Variants in RAD52 observed in about 807,000 individuals in gnomAD.
RAD52 encodes the protein RAD52 DNA repair protein.
A neutral mutation model predicts 55.5 loss-of-function variants in RAD52; 47 were observed. The ratio of observed to expected loss-of-function variants is 0.85; its 90% CI spans 0.67 to 1.08. RAD52 has a LOEUF of 1.08. Ranked by LOEUF, RAD52 falls within the 50% of genes least tolerant of loss-of-function variation. RAD52 has a pLI of 0.00. For synonymous variants in RAD52, 184 were observed against 198.9 expected (o/e 0.92, Z 0.63); for missense variants, 468 against 522.8 (o/e 0.90, Z 1.02).
Position 926,582 on chromosome 12 carries a change from C to T in RAD52, c.467+563G>A, listed in dbSNP as rs184055909. 1.3e-4 allele frequency among the ~76,000 whole-genome samples: 20 copies of T among 152,258 alleles called. No homozygotes were observed. In the East Asian group the frequency reaches 1.7e-3, roughly 13 times the overall value. ...CTCTCTCTTGCTCCCTCTCTCTCCA[C>T]GTTCCCTCTTCACCTTCTGCCATGA... is the stretch of plus-strand genomic sequence containing the variant. On this transcript the variant is annotated intron_variant, in intron 6 of 11. Transcript: ENST00000358495.
intron 9 of RAD52, 80 bp from the exon 10 acceptor site, chr12:914,612 CTT>C: frequency 5.2e-6 from 8 of 1,546,058 alleles, no homozygotes; most frequent in African/African-American, 1.4e-5. Flanking sequence ...CCACTCCCCT[CTT>C]GTTAGAGGGA....
chr12:914,138 AAAGTGCGTCAT>A lies in RAD52; in HGVS notation c.968-28_968-18del, dbSNP rs369841191. The A allele has an allele frequency of 1.6e-4, 250 of 1,597,104 alleles. No individual in the cohort carries two copies. The East Asian group carries it at 5.2e-3, about 33-fold the overall frequency. On this transcript the variant is annotated intron_variant, in intron 10 of 11. Coordinates refer to ENST00000358495, the MANE Select transcript of RAD52 (RefSeq NM_134424.4). ...CAAGAGTCTCTACAGAGGTCAAGGA[AAAGTGCGTCAT>A]CAGCAAATAATGAAGTATTCTCACA... is the stretch of plus-strand genomic sequence containing the variant.
intron 1 of RAD52, among the ~76,000 whole-genome samples, chr12:986,562 G>A (rs777976387): frequency 9.2e-5 from 14 of 151,966 alleles, no homozygotes; most frequent in Middle Eastern, 3.4e-3. Context: ...ACAGGGTCTC[G>A]CTGTGTTGTC....
intron 1 of RAD52, among the ~76,000 whole-genome samples, chr12:947,755 G>C (rs528677975): frequency 1.2e-4 from 19 of 152,020 alleles, no homozygotes; most frequent in African/African-American, 4.6e-4. Flanking sequence ...GGGCATAGTG[G>C]CATGCGCCTG....
chr12:931,187 A>G, intron 3 of RAD52, 33 bp downstream of exon 3: 1 of 1,541,842 alleles, frequency 6.5e-7, no homozygotes, highest in South Asian at 1.1e-5. Flanking sequence ...TGCGGTATGG[A>G]TGCCTGCTTT....
intron 2 of RAD52, among the ~76,000 whole-genome samples, chr12:931,800 G>A (rs776849302): frequency 7.1e-4 from 108 of 152,282 alleles, no homozygotes; most frequent in African/African-American, 1.9e-3. Flanking sequence ...AGAGCACGGG[G>A]GTAGGAAGCC....
rs1956168231 is a variant in RAD52, at chr12:912,770, C to CTT, written c.*619_*620dup. 2 of 155,494 alleles carry CTT rather than the reference C, an allele frequency of 1.3e-5. No homozygotes were observed. Among genetic ancestry groups the CTT allele is most frequent in the Admixed American group, 1.5e-4 (2 of 13,490 alleles). 9.6% of individuals were successfully genotyped at this position (155,494 alleles called of 1,614,324 possible). ...ACAAAAAACAGCCTTTTTTCGTGGT[C>CTT]TTAGATGATTATTTCCTTCCTTAGG... is the stretch of plus-strand genomic sequence containing the variant. On this transcript the variant is annotated 3_prime_UTR_variant, in exon 12 of 12. Coordinates refer to ENST00000358495, the MANE Select transcript of RAD52 (RefSeq NM_134424.4).
chr12:978,349 G>A (rs369744279), intron 1 of RAD52, among the ~76,000 whole-genome samples: 19 of 152,108 alleles, frequency 1.2e-4, no homozygotes, highest in African/African-American at 2.4e-4. Flanking sequence ...CACCACGCCC[G>A]GCCGTTTGTA....
At chr12:948,519 T>G (rs1170945820) in intron 1 of RAD52, among the ~76,000 whole-genome samples, 9 of 151,872 alleles carry the variant, frequency 5.9e-5, no homozygotes, top group Non-Finnish European at 1.0e-4. Context: ...AGTAGCTGGG[T>G]GTGGTGGTAT....
intron 1 of RAD52, among the ~76,000 whole-genome samples, chr12:973,092 C>T (rs865948883): frequency 4.6e-5 from 7 of 152,224 alleles, no homozygotes; most frequent in East Asian, 1.9e-4. Context: ...TTTTTTGAGA[C>T]GGAGTCTCGC....
At chr12:954,629 A>G (rs1958580637), upstream of RAD52, among the ~76,000 whole-genome samples, 1 of 152,116 alleles carries the variant, frequency 6.6e-6, no homozygotes, top group Non-Finnish European at 1.5e-5. Context: ...GCAAGACTTC[A>G]TCCCCCACCC....
intron 1 of RAD52, among the ~76,000 whole-genome samples, chr12:986,975 T>G (rs1230861904): frequency 6.6e-6 from 1 of 152,046 alleles, no homozygotes; most frequent in African/African-American, 2.4e-5. Flanking sequence ...TTTTTAAAAT[T>G]TATTTTTATT....
intron 1 of RAD52, among the ~76,000 whole-genome samples, chr12:970,110 C>T (rs1958821321): frequency 6.6e-6 from 1 of 151,744 alleles, no homozygotes; most frequent in Non-Finnish European, 1.5e-5. Flanking sequence ...GAGTTCGAGA[C>T]CAGCCTGTCC....
chr12:983,568 C>T (rs1393089463), intron 1 of RAD52, among the ~76,000 whole-genome samples: 1 of 151,788 alleles, frequency 6.6e-6, no homozygotes, highest in Non-Finnish European at 1.5e-5. Context: ...TACAGGTGCC[C>T]GCCACCATGC....
intron 1 of RAD52, among the ~76,000 whole-genome samples, chr12:980,638 G>A (rs1182968263): frequency 2.0e-5 from 3 of 146,562 alleles, no homozygotes; most frequent in Non-Finnish European, 4.5e-5. Context: ...GTCTTGCTCT[G>A]TTGCCCAGGC....
At chr12:943,991 G>C (rs1044973023) in intron 1 of RAD52, among the ~76,000 whole-genome samples, 2 of 151,812 alleles carry the variant, frequency 1.3e-5, no homozygotes, top group African/African-American at 2.4e-5. Context: ...TGAGGCAGGC[G>C]GATTGCATGA....
At chr12:972,061 G>C (rs967609078) in intron 1 of RAD52, among the ~76,000 whole-genome samples, 2 of 152,126 alleles carry the variant, frequency 1.3e-5, no homozygotes, top group African/African-American at 4.8e-5. Context: ...AGGTAGAGGG[G>C]AATTAATCAC....
At chr12:961,263 T>C (rs1345752709) in intron 1 of RAD52, among the ~76,000 whole-genome samples, 2 of 125,854 alleles carry the variant, frequency 1.6e-5, no homozygotes, top group African/African-American at 3.1e-5. Context: ...TGAGCCGAGA[T>C]AGTGCCATTG....
rs2154108917 is a variant in RAD52, at chr12:916,738, C to T, written c.626G>A (p.Arg209Gln). The T allele has an allele frequency of 6.2e-7, 1 of 1,614,126 alleles. No homozygotes were observed. The change falls in exon 8 of 12, where the codon CGA becomes CAA. Residue 209 changes from arginine (R) to glutamine (Q), a missense_variant. Transcript: ENST00000358495. ...SVEEARYNSC[R>Q]PNMALGHPQL... ...TGGGTGTCCCAGGGCCATGTTCGGT[C>T]GGCAGCTGTTGTATCTTGCCTCCTC...
Sources: allele counts gnomAD v4.1 joint callset (sites outside exome capture counted in the v4.1 genomes callset), GRCh38; gene constraint gnomAD v4.1.1; transcripts MANE v1.5; gene names NCBI Gene and HGNC (gene_info 2026-07-23, HGNC 2026-07-21).